Variants in ERP44 observed in about 807,000 individuals in gnomAD.
ERP44 encodes endoplasmic reticulum resident protein 44.
ERP44 carries 25 observed loss-of-function variants against 53.4 expected under a neutral mutation model. The ratio of observed to expected loss-of-function variants is 0.47; its 90% CI spans 0.34 to 0.65. The LOEUF (loss-of-function observed/expected upper bound fraction) is 0.65, where lower values mean the gene tolerates loss of function less well. Among genes scored for constraint, ERP44 ranks in the 30% least tolerant of loss-of-function variants. The pLI, the probability that ERP44 is intolerant of heterozygous loss-of-function variation, is 0.01. For synonymous variants in ERP44, 145 were observed against 161.2 expected (o/e 0.90, Z 0.76); for missense variants, 338 against 493.2 (o/e 0.69, Z 2.98).
intron 4 of ERP44, among the ~76,000 whole-genome samples, chr9:100,038,786 T>C (rs1396938132): frequency 1.3e-5 from 2 of 151,270 alleles, no homozygotes; most frequent in Admixed American, 6.6e-5. Context: ...ATACATAGAC[T>C]GAAAATAAAG....
At chr9:100,067,887 C>T (rs1393654429) in intron 1 of ERP44, among the ~76,000 whole-genome samples, 3 of 151,726 alleles carry the variant, frequency 2.0e-5, no homozygotes, top group African/African-American at 4.9e-5. Context: ...GCAGCCGCCC[C>T]GCCTGAGAAG....
At chr9:100,087,068 A>G (rs1826493888) in intron 1 of ERP44, among the ~76,000 whole-genome samples, 1 of 129,390 alleles carries the variant, frequency 7.7e-6, no homozygotes, top group South Asian at 2.1e-4. Flanking sequence ...TATTTATTAA[A>G]TGAATAAGAT....
intron 4 of ERP44, among the ~76,000 whole-genome samples, chr9:100,035,698 A>G (rs1379578393): frequency 6.6e-6 from 1 of 152,166 alleles, no homozygotes. Flanking sequence ...ATAAAAATAA[A>G]AACAAAAAGT....
chr9:100,056,971 TAAGA>T (rs1826093541), intron 3 of ERP44, among the ~76,000 whole-genome samples: 3 of 152,148 alleles, frequency 2.0e-5, no homozygotes, highest in Admixed American at 2.0e-4. Context: ...ATTTACACTG[TAAGA>T]AAGATAACTC....
At position 100,076,874 on chromosome 9, in the gene ERP44, A is replaced by T. The variant is rs72731401; in HGVS notation, c.58-16702T>A. 2.4e-3 allele frequency among the ~76,000 whole-genome samples: 359 copies of T among 152,324 alleles called. 2 individuals carry two copies. The highest frequency in any genetic ancestry group is 4.3e-3 in the Non-Finnish European group (292 of 68,024). On this transcript the variant is annotated intron_variant, in intron 1 of 11. Coordinates refer to ENST00000262455, the MANE Select transcript of ERP44 (RefSeq NM_015051.3). ...CCCCAGCCACCCCTGTCATCGCCCA[A>T]TGGGCCCCATGAACAAAGTGGCCAT...
Position 100,062,027 on chromosome 9 carries a change from A to G in ERP44, c.58-1855T>C, listed in dbSNP as rs184646803. On this transcript the variant is annotated intron_variant, in intron 1 of 11. Coordinates refer to ENST00000262455, the MANE Select transcript of ERP44 (RefSeq NM_015051.3). ...ACATTACTCTAAAGTAGGTCTTAAGACCCCGCTAAGAGACGTATCCTCTAG... is the reference window on the plus strand; with the variant it reads ...ACATTACTCTAAAGTAGGTCTTAAGGCCCCGCTAAGAGACGTATCCTCTAG... 5.1e-3 allele frequency among the ~76,000 whole-genome samples: 772 copies of G among 152,198 alleles called. 1 individual carries two copies. The highest frequency in any genetic ancestry group is 7.7e-3 in the Non-Finnish European group (526 of 68,006).
In ERP44 at chr9:100,098,833, G is replaced by A. The variant is rs908637601; in HGVS notation, c.8C>T (p.Pro3Leu). The stretch of plus-strand genomic sequence containing the variant: ...GTCGGGTAAGGATAGGAAGACGGCA[G>A]GATGCATGGTAACGCTGGGGTCCGT... MHPAVFLSLPDLR... is the reference protein window; with the variant it reads MHLAVFLSLPDLR... The change falls in exon 1 of 12, where the codon CCT becomes CTT. Residue 3 changes from proline to leucine, a missense_variant. Around this residue, in one of 3 missense-constraint regions of ERP44, gnomAD observed 224 missense variants for 301.4 expected, o/e 0.74. Coordinates refer to ENST00000262455, the MANE Select transcript of ERP44 (RefSeq NM_015051.3). 1.9e-6 allele frequency: 3 copies of A among 1,613,642 alleles called. No individual in the cohort carries two copies. The highest frequency in any genetic ancestry group is 1.7e-5 in the Admixed American group (1 of 59,974).
At chr9:100,016,191 T>G (rs1830523773) in intron 8 of ERP44, 131 bp downstream of exon 8, 2 of 1,335,834 alleles carry the variant, frequency 1.5e-6, no homozygotes, top group Admixed American at 5.6e-5. Flanking sequence ...CAGAAACAGC[T>G]ATGATATAGT....
chr9:100,034,611 C>T (rs941276371), intron 4 of ERP44, among the ~76,000 whole-genome samples: 4 of 151,886 alleles, frequency 2.6e-5, no homozygotes, highest in African/African-American at 9.7e-5. Context: ...AAAAGAAATA[C>T]AACCCAGCCA....
At chr9:100,077,485 A>C (rs1395537324) in intron 1 of ERP44, among the ~76,000 whole-genome samples, 3 of 152,092 alleles carry the variant, frequency 2.0e-5, no homozygotes, top group African/African-American at 7.2e-5. Context: ...ATATGGTACT[A>C]TTTCTCCCAT....
At chr9:100,002,132 T>TA (rs59995242) in intron 10 of ERP44, among the ~76,000 whole-genome samples, 118,536 of 147,998 alleles carry the variant, frequency 0.8, 49,115 homozygotes, top group East Asian at 0.97. Context: ...TTTATTCACA[T>TA]AAAAAAAAAA....
intron 1 of ERP44, among the ~76,000 whole-genome samples, chr9:100,095,042 A>T (rs1826610171): frequency 6.6e-6 from 1 of 152,024 alleles, no homozygotes; most frequent in African/African-American, 2.4e-5. Context: ...CAAACAAATT[A>T]GACTTATCCA....
At chr9:100,082,461 T>G (rs572160228) in intron 1 of ERP44, among the ~76,000 whole-genome samples, 19 of 151,846 alleles carry the variant, frequency 1.3e-4, no homozygotes, top group African/African-American at 4.6e-4. Context: ...AAAGACATGC[T>G]ATACACCTCA....
At chr9:100,068,177 G>A (rs911566271) in intron 1 of ERP44, among the ~76,000 whole-genome samples, 15 of 150,314 alleles carry the variant, frequency 1.0e-4, no homozygotes, top group African/African-American at 2.0e-4. Context: ...CCCTCTCCCC[G>A]GCCAGCAGCC....
intron 10 of ERP44, 46 bp from the exon 11 acceptor site, chr9:99,985,115 T>C: frequency 1.5e-6 from 2 of 1,302,264 alleles, no homozygotes; most frequent in Non-Finnish European, 2.2e-6. Context: ...AATGGACTTA[T>C]CTCTATTTTA....
intron 10 of ERP44, among the ~76,000 whole-genome samples, chr9:99,992,202 G>C (rs186465131): frequency 6.6e-6 from 1 of 152,152 alleles, no homozygotes; most frequent in Non-Finnish European, 1.5e-5. Flanking sequence ...AAGCCTGGCA[G>C]AGACACAACA....
chr9:100,034,675 A>T (rs929221338), intron 4 of ERP44, among the ~76,000 whole-genome samples: 1 of 152,190 alleles, frequency 6.6e-6, no homozygotes, highest in African/African-American at 2.4e-5. Context: ...TTTGGGCAGT[A>T]TGGCCATTTT....
chr9:100,036,181 T>C (rs1166131606), intron 4 of ERP44, among the ~76,000 whole-genome samples: 3 of 152,210 alleles, frequency 2.0e-5, no homozygotes, highest in Non-Finnish European at 2.9e-5. Flanking sequence ...AAAGAAAATG[T>C]GGTACATATA....
At chr9:100,041,016 A>T (rs1825894762) in intron 4 of ERP44, among the ~76,000 whole-genome samples, 1 of 152,206 alleles carries the variant, frequency 6.6e-6, no homozygotes, top group African/African-American at 2.4e-5. Context: ...CAAAAAAAGG[A>T]AAGAAATTCT....
Sources: allele counts gnomAD v4.1 joint callset (sites outside exome capture counted in the v4.1 genomes callset), GRCh38; gene constraint gnomAD v4.1.1; regional missense constraint gnomAD v4.1.1; transcripts MANE v1.5; gene names NCBI Gene and HGNC (gene_info 2026-07-23, HGNC 2026-07-21).